The following EAF2 variants were observed in gnomAD, a reference collection of about 807,000 sequenced individuals.
EAF2 encodes ELL associated factor 2.
A neutral mutation model predicts 29.4 loss-of-function variants in EAF2; 29 were observed. The observed-to-expected ratio is 0.99, with a 90% CI of 0.73 to 1.35. The LOEUF (loss-of-function observed/expected upper bound fraction) is 1.35. Among genes scored for constraint, EAF2 ranks in the 40% most tolerant of loss-of-function variants. The probability of loss-of-function intolerance (pLI) is 0.00; values close to 1 mark genes in which losing one functional copy is unlikely to be tolerated. For synonymous variants in EAF2, 103 were observed against 102.5 expected (o/e 1.00, Z -0.03); for missense variants, 292 against 312.0 (o/e 0.94, Z 0.48).
chr3:121,841,377 C>T (rs1257276803), intron 1 of EAF2, among the ~76,000 whole-genome samples: 8 of 150,598 alleles, frequency 5.3e-5, no homozygotes, highest in African/African-American at 1.2e-4. Context: ...TAGTGGCGCA[C>T]GCTTGTAATC....
At position 121,871,169 on chromosome 3, in the gene EAF2, T is replaced by TATATA. The variant is rs575947641; in HGVS notation, c.485-1348_485-1344dup. 4.1e-3 allele frequency among the ~76,000 whole-genome samples: 614 copies of TATATA among 151,446 alleles called. 3 individuals are homozygous for TATATA. The highest frequency in any genetic ancestry group is 8.2e-3 in the African/African-American group (340 of 41,394). On this transcript the variant is annotated intron_variant, in intron 4 of 5. Transcript: ENST00000273668. ...ATGGGTAACTAACTTGTGGTATATT[T>TATATA]ATATAATATAATATAATATAATATC...
At chr3:121,853,085 T>C (rs1339120940) in intron 2 of EAF2, among the ~76,000 whole-genome samples, 1 of 152,228 alleles carries the variant, frequency 6.6e-6, no homozygotes, top group African/African-American at 2.4e-5. Context: ...CTAATCTTTT[T>C]ATTTTTTAAT....
At chr3:121,853,890 C>T (rs1041420873) in intron 2 of EAF2, among the ~76,000 whole-genome samples, 5 of 152,100 alleles carry the variant, frequency 3.3e-5, no homozygotes, top group Non-Finnish European at 1.5e-5. Context: ...ATAATGTCTG[C>T]TTATCTTACT....
At position 121,872,744 on chromosome 3, in the gene EAF2, A is replaced by G; in HGVS notation, c.692A>G (p.His231Arg). Residue 231 changes from histidine to arginine, a missense_variant, in exon 5 of 6, where the codon CAT becomes CGT. Coordinates refer to ENST00000273668, the MANE Select transcript of EAF2 (RefSeq NM_018456.6). The part of the protein sequence containing the change: ...QYRIPDIDAS[H>R]NRFRDNSGLL... The stretch of plus-strand genomic sequence containing the variant: ...AGGATTCCTGATATAGATGCCAGTC[A>G]TAATAGATTTCGAGACAACAGTGGC... 1 of 1,612,462 alleles carries G rather than the reference A, an allele frequency of 6.2e-7. No individual in the cohort carries two copies. The highest frequency in any genetic ancestry group is 8.5e-7 in the Non-Finnish European group (1 of 1,178,984).
chr3:121,873,504 A>G (rs1309583154), intron 5 of EAF2, among the ~76,000 whole-genome samples: 2 of 151,854 alleles, frequency 1.3e-5, no homozygotes, highest in Admixed American at 6.6e-5. Flanking sequence ...ACCTACTACA[A>G]TGACCTAACT....
chr3:121,885,945 C>T (rs546318046), intron 5 of EAF2, among the ~76,000 whole-genome samples: 10 of 152,002 alleles, frequency 6.6e-5, no homozygotes, highest in Admixed American at 2.0e-4. Flanking sequence ...TTATCCTTGA[C>T]ATATATTATT....
intron 5 of EAF2, among the ~76,000 whole-genome samples, chr3:121,884,397 C>T (rs948435058): frequency 1.3e-5 from 2 of 149,806 alleles, no homozygotes; most frequent in African/African-American, 4.9e-5. Flanking sequence ...ACCAGATGCA[C>T]AGAAGAAGTT....
At chr3:121,841,504 CAAAAAAAAAAAAAAAAAAA>C (rs57868658) in intron 1 of EAF2, among the ~76,000 whole-genome samples, 62 of 26,022 alleles carry the variant, frequency 2.4e-3, no homozygotes, top group East Asian at 0.014. Context: ...GACCCTGTCT[CAAAAAAAAAAAAAAAAAAA>C]AAAAAAAAAA....
chr3:121,859,949 G>T (rs992021012), intron 4 of EAF2, among the ~76,000 whole-genome samples: 3 of 152,254 alleles, frequency 2.0e-5, no homozygotes, highest in African/African-American at 7.2e-5. Flanking sequence ...TTTGTCATTC[G>T]TTCTGTTTAT....
intron 5 of EAF2, among the ~76,000 whole-genome samples, chr3:121,880,308 ATT>A (rs57276792): frequency 1.1e-3 from 161 of 147,646 alleles, no homozygotes; most frequent in Admixed American, 1.4e-3. Context: ...ATGCCAGCTA[ATT>A]TTTTTTTTTT....
chr3:121,848,653 T>C (rs1708574551), intron 2 of EAF2, among the ~76,000 whole-genome samples: 1 of 152,160 alleles, frequency 6.6e-6, no homozygotes, highest in Admixed American at 6.5e-5. Flanking sequence ...AGCTTTGGGA[T>C]TTTGAATTGG....
At chr3:121,856,768 G>T (rs935816978) in intron 3 of EAF2, among the ~76,000 whole-genome samples, 3 of 152,106 alleles carry the variant, frequency 2.0e-5, no homozygotes, top group Non-Finnish European at 4.4e-5. Context: ...GGCATGAGGC[G>T]CCAAGCCTGG....
At chr3:121,839,050 G>A (rs1241954823) in intron 1 of EAF2, among the ~76,000 whole-genome samples, 2 of 152,042 alleles carry the variant, frequency 1.3e-5, no homozygotes, top group Non-Finnish European at 2.9e-5. Flanking sequence ...ATAGTATATT[G>A]TAAAGAAAAA....
intron 2 of EAF2, among the ~76,000 whole-genome samples, chr3:121,850,572 C>T (rs1355280068): frequency 2.0e-5 from 3 of 152,096 alleles, no homozygotes; most frequent in African/African-American, 7.2e-5. Context: ...ACTTCTCTTT[C>T]TTTCCACCTC....
At chr3:121,874,459 A>G (rs566879792) in intron 5 of EAF2, among the ~76,000 whole-genome samples, 1 of 151,890 alleles carries the variant, frequency 6.6e-6, no homozygotes, top group African/African-American at 2.4e-5. Flanking sequence ...GCTAGAAAAA[A>G]TTTTCCAGTA....
intron 5 of EAF2, among the ~76,000 whole-genome samples, chr3:121,877,982 T>A (rs1553729740): frequency 6.6e-6 from 1 of 151,866 alleles, no homozygotes; most frequent in Non-Finnish European, 1.5e-5. Context: ...AAATGTTATT[T>A]AAAAAAAATT....
At chr3:121,885,712 C>G (rs568430161) in intron 5 of EAF2, among the ~76,000 whole-genome samples, 1 of 152,260 alleles carries the variant, frequency 6.6e-6, no homozygotes, top group South Asian at 2.1e-4. Flanking sequence ...ATTTGGATCT[C>G]TGTTCAAATG....
chr3:121,854,869 A>C (rs961315339), intron 3 of EAF2, 46 bp downstream of exon 3: 4 of 1,455,800 alleles, frequency 2.7e-6, no homozygotes, highest in Middle Eastern at 2.4e-4. Context: ...ATAAATTTCT[A>C]AGGAAATGTC....
At chr3:121,861,745 T>G (rs1708837256) in intron 4 of EAF2, among the ~76,000 whole-genome samples, 2 of 152,274 alleles carry the variant, frequency 1.3e-5, no homozygotes, top group African/African-American at 2.4e-5. Flanking sequence ...CTCGTTAGTT[T>G]ATGTAGTTTC....
Sources: allele counts gnomAD v4.1 joint callset (sites outside exome capture counted in the v4.1 genomes callset), GRCh38; gene constraint gnomAD v4.1.1; transcripts MANE v1.5; gene names NCBI Gene and HGNC (gene_info 2026-07-23, HGNC 2026-07-21).